The following HEATR4 variants were observed in gnomAD, a reference collection of about 807,000 sequenced individuals.
The protein encoded by HEATR4 is HEAT repeat-containing protein 4.
A neutral mutation model predicts 108.8 loss-of-function variants in HEATR4; 95 were observed. The observed-to-expected ratio is 0.87, with a 90% CI of 0.74 to 1.04. The LOEUF is 1.04. Ranked by LOEUF, HEATR4 falls within the 50% of genes least tolerant of loss-of-function variation. The pLI, the probability that HEATR4 is intolerant of heterozygous loss-of-function variation, is 0.00. For missense variants in HEATR4, 1,152 were observed against 1,253.8 expected, an observed-to-expected ratio of 0.92 and a Z score of 1.23; for synonymous variants, 443 against 459.4, an observed-to-expected ratio of 0.96 and a Z score of 0.46.
the HEATR4 span, among the ~76,000 whole-genome samples, chr14:73,593,402 G>A: frequency 7.7e-6 from 1 of 130,472 alleles, no homozygotes; most frequent in Non-Finnish European, 1.5e-5. Context: ...GCAGTGGTGT[G>A]GTCACACCTC....
chr14:73,526,469 G>C (rs746846999), intron 2 of HEATR4, among the ~76,000 whole-genome samples: 3 of 152,204 alleles, frequency 2.0e-5, no homozygotes, highest in Non-Finnish European at 2.9e-5. Context: ...TGGTGAACAA[G>C]GGAGTGCCTG....
chr14:73,544,487 C>A (rs1473796745), intron 1 of HEATR4, among the ~76,000 whole-genome samples: 1 of 115,028 alleles, frequency 8.7e-6, no homozygotes, highest in African/African-American at 2.8e-5. Context: ...TCTTTGATAT[C>A]TTCTCCTTGG....
chr14:73,620,405 G>A, the HEATR4 span, among the ~76,000 whole-genome samples: 326 of 152,272 alleles, frequency 2.1e-3, 1 homozygote, highest in African/African-American at 7.4e-3. Context: ...TGTAAGAAGT[G>A]CTTTCCCAAC....
chr14:73,609,830 G>A, the HEATR4 span, among the ~76,000 whole-genome samples: 7 of 151,652 alleles, frequency 4.6e-5, no homozygotes, highest in Non-Finnish European at 1.0e-4. Context: ...TAGTAGAGAC[G>A]GGGTTTCACC....
chr14:73,570,957 T>G, the HEATR4 span, among the ~76,000 whole-genome samples: 1 of 149,012 alleles, frequency 6.7e-6, no homozygotes, highest in South Asian at 2.1e-4. Flanking sequence ...TTCTTATTTA[T>G]GTATTGACTA....
At chr14:73,489,535 T>C (rs1365237485) in intron 17 of HEATR4, among the ~76,000 whole-genome samples, 3 of 152,190 alleles carry the variant, frequency 2.0e-5, no homozygotes, top group Non-Finnish European at 4.4e-5. Flanking sequence ...TCACAAAAAG[T>C]ATCTTACTTT....
At chr14:73,524,311 ATATATATAT>A (rs1436390406) in intron 2 of HEATR4, among the ~76,000 whole-genome samples, 7 of 52,644 alleles carry the variant, frequency 1.3e-4, no homozygotes, top group African/African-American at 3.0e-4. Flanking sequence ...AAAAAAAAAA[ATATATATAT>A]ATATATATAT....
At chr14:73,493,619 C>G (rs894811040) in intron 16 of HEATR4, among the ~76,000 whole-genome samples, 2 of 152,104 alleles carry the variant, frequency 1.3e-5, no homozygotes, top group Admixed American at 1.3e-4. Context: ...GGGTGGATCA[C>G]CTGAGGTCAG....
chr14:73,614,046 A>G, the HEATR4 span, among the ~76,000 whole-genome samples: 1 of 118,734 alleles, frequency 8.4e-6, no homozygotes, highest in Non-Finnish European at 1.8e-5. Context: ...AAAAAAAAAA[A>G]AAAAATTAGG....
chr14:73,563,806 A>T (rs115477864), upstream of HEATR4, among the ~76,000 whole-genome samples: 792 of 151,882 alleles, frequency 5.2e-3, 6 homozygotes, highest in African/African-American at 0.019. Flanking sequence ...TAAAAATAAA[A>T]AAATAAATAA....
At chr14:73,569,847 G>T in the HEATR4 span, 1 of 1,604,682 alleles carries the variant, frequency 6.2e-7, no homozygotes, top group East Asian at 2.2e-5. Context: ...GCCGGTGCGC[G>T]TGGGCCGGGT....
intron 5 of HEATR4, among the ~76,000 whole-genome samples, chr14:73,515,634 C>T (rs995142503): frequency 1.1e-4 from 14 of 127,596 alleles, no homozygotes; most frequent in Admixed American, 9.8e-4. Flanking sequence ...GAGCTGAGAT[C>T]GCGCTCCAAC....
chr14:73,579,976 T>C, the HEATR4 span, among the ~76,000 whole-genome samples: 1 of 152,024 alleles, frequency 6.6e-6, no homozygotes, highest in Non-Finnish European at 1.5e-5. Flanking sequence ...TGTGCACCTG[T>C]AGTCCCAGCT....
chr14:73,552,954 G>T (rs1488193602), intron 1 of HEATR4, among the ~76,000 whole-genome samples: 1 of 113,632 alleles, frequency 8.8e-6, no homozygotes. Flanking sequence ...TCCTATCCAG[G>T]GTTTCCCCGA....
chr14:73,495,674 G>A (rs907120094), intron 15 of HEATR4, among the ~76,000 whole-genome samples: 14 of 152,174 alleles, frequency 9.2e-5, no homozygotes, highest in African/African-American at 3.1e-4. Context: ...GATATTGGTT[G>A]GAGATTTTTT....
chr14:73,507,112 T>G (rs1454461826), intron 9 of HEATR4, among the ~76,000 whole-genome samples: 2 of 152,098 alleles, frequency 1.3e-5, no homozygotes, highest in African/African-American at 4.8e-5. Context: ...CTTCTGTCTT[T>G]AACTGTTTTT....
chr14:73,478,578 G>T lies in HEATR4; in HGVS notation c.*28C>A. On this transcript the variant is annotated 3_prime_UTR_variant, in exon 18 of 18. Coordinates refer to ENST00000553558, the MANE Select transcript of HEATR4 (RefSeq NM_001220484.1). The stretch of plus-strand genomic sequence containing the variant: ...AATGTGACCAGGTCCACTGCTTCCT[G>T]CATCTTGAAGTAAGACAAGTGTTCA... The T allele has an allele frequency of 6.8e-7, 1 of 1,473,950 alleles. No homozygotes were observed. The highest frequency in any genetic ancestry group is 9.5e-7 in the Non-Finnish European group (1 of 1,055,156). 91.3% of individuals were successfully genotyped at this position (1,473,950 alleles called of 1,614,324 possible).
the HEATR4 span, among the ~76,000 whole-genome samples, chr14:73,601,228 C>G: frequency 6.6e-6 from 1 of 152,128 alleles, no homozygotes; most frequent in Non-Finnish European, 1.5e-5. Context: ...CTTTGACTGT[C>G]TTCCCAAAAA....
the HEATR4 span, chr14:73,592,061 G>T: frequency 6.8e-7 from 1 of 1,479,634 alleles, no homozygotes. Flanking sequence ...GGGTTACGCT[G>T]CGCGCGTCCC....
Sources: gnomAD v4.1 joint callset for allele counts (sites outside exome capture counted in the v4.1 genomes callset) on GRCh38, gnomAD v4.1.1 for gene constraint, MANE v1.5 for transcripts, NCBI Gene and HGNC (gene_info 2026-07-23, HGNC 2026-07-21) for gene names.